HORMAD1: variants seen among roughly 807,000 people sequenced by gnomAD.
HORMAD1 encodes the protein HORMA domain-containing protein 1.
In HORMAD1, 33 loss-of-function variants were observed where a neutral mutation model predicts 58.2. The ratio of observed to expected loss-of-function variants is 0.57; its 90% confidence interval spans 0.43 to 0.76. The LOEUF (loss-of-function observed/expected upper bound fraction) is 0.76, where lower values mean the gene tolerates loss of function less well. Ranked by LOEUF, HORMAD1 falls within the 30% of genes least tolerant of loss-of-function variation. The pLI is 0.00. For synonymous variants in HORMAD1, 137 were observed against 144.6 expected, an observed-to-expected ratio of 0.95 and a Z score of 0.38; for missense variants, 363 against 462.0, an observed-to-expected ratio of 0.79 and a Z score of 1.96.
chr1:150,710,299 A>C (rs1651834586), intron 7 of HORMAD1, among the ~76,000 whole-genome samples: 4 of 152,162 alleles, frequency 2.6e-5, no homozygotes, highest in Admixed American at 2.6e-4. Context: ...ACAGGGCATA[A>C]ATCTTTGCTA....
At chr1:150,706,374 G>C (rs972252122) in intron 10 of HORMAD1, among the ~76,000 whole-genome samples, 179 bp downstream of exon 10, 1 of 152,146 alleles carries the variant, frequency 6.6e-6, no homozygotes, top group Admixed American at 6.6e-5. Flanking sequence ...GTACAATGTT[G>C]TTTGGGCTAA....
rs1002436490 is a variant in HORMAD1, at chr1:150,708,981, A to T, written c.328-20T>A. 1 of 1,213,464 alleles carries T rather than the reference A, an allele frequency of 8.2e-7. No individual in the cohort carries two copies. Among genetic ancestry groups the T allele is most frequent in the South Asian group, 1.2e-5 (1 of 82,438 alleles). 75.2% of individuals were successfully genotyped at this position (1,213,464 alleles called of 1,614,324 possible). A position where few individuals can be genotyped will look rare whatever the true frequency, so the allele number is the denominator to read the frequency against. On this transcript the variant is annotated intron_variant, in intron 7 of 14. Transcript: ENST00000361824. ...AATTGTCTTAAATAGAAAATATCGCAGTTATGCTTCTGATATTCAGTACTA... is the reference window on the plus strand; with the variant it reads ...AATTGTCTTAAATAGAAAATATCGCTGTTATGCTTCTGATATTCAGTACTA...
At chr1:150,719,412 G>T in intron 2 of HORMAD1, 61 bp downstream of exon 2, 1 of 1,033,536 alleles carries the variant, frequency 9.7e-7, no homozygotes, top group South Asian at 1.4e-5. Context: ...GAGTATTTGA[G>T]ACTTCAAGAA....
At chr1:150,718,092 T>C (rs1652142091) in intron 2 of HORMAD1, among the ~76,000 whole-genome samples, 2 of 152,206 alleles carry the variant, frequency 1.3e-5, no homozygotes, top group African/African-American at 4.8e-5. Context: ...AAAGTGTTTT[T>C]CAGTTTAATG....
intron 2 of HORMAD1, among the ~76,000 whole-genome samples, chr1:150,717,508 ATTT>A (rs140527786): frequency 2.7e-5 from 4 of 149,542 alleles, no homozygotes; most frequent in Non-Finnish European, 4.5e-5. Context: ...AAATCTTTTA[ATTT>A]TTTTTTTTTA....
intron 13 of HORMAD1, among the ~76,000 whole-genome samples, chr1:150,701,297 C>T (rs1232497168): frequency 3.9e-5 from 6 of 152,274 alleles, no homozygotes; most frequent in East Asian, 3.9e-4. Context: ...GAACATTTTG[C>T]TTCTAGAAGT....
At chr1:150,718,133 C>T (rs760512862) in intron 2 of HORMAD1, among the ~76,000 whole-genome samples, 64 of 152,044 alleles carry the variant, frequency 4.2e-4, no homozygotes, top group Middle Eastern at 3.4e-3. Context: ...GGTGTGTGTG[C>T]AACAATCACC....
chr1:150,708,750 A>G, intron 8 of HORMAD1, 144 bp downstream of exon 8: 1 of 555,136 alleles, frequency 1.8e-6, no homozygotes, highest in Non-Finnish European at 3.2e-6. Context: ...ACTGCAAGCC[A>G]CCACTCCATT....
In HORMAD1 at chr1:150,703,367, A is replaced by G. The variant is rs1311791826; in HGVS notation, c.975T>C (p.Ser325=). ...SQVEQLVNKT[S]ELDMSESKTR... is the part of the protein sequence containing the mutation. ...TTTTGCTTTCAGACATATCAAGTTC[A>G]GATGTTTTATTGACTAACTGCTCAA... Residue 325 remains serine (S), a synonymous_variant, in exon 13 of 15, where the codon TCT becomes TCC. Coordinates refer to ENST00000361824, the MANE Select transcript of HORMAD1 (RefSeq NM_032132.5). The G allele has an allele frequency of 1.3e-6, 2 of 1,578,696 alleles. No individual in the cohort carries two copies. The highest frequency in any genetic ancestry group is 1.7e-5 in the Admixed American group (1 of 57,612).
At chr1:150,714,236 G>C (rs1361594581) in intron 4 of HORMAD1, 115 bp from the exon 5 acceptor site, 8 of 612,366 alleles carry the variant, frequency 1.3e-5, no homozygotes, top group Non-Finnish European at 2.3e-5. Context: ...TCTTATTAAA[G>C]CTCCCTTCTT....
At position 150,703,322 on chromosome 1, in the gene HORMAD1, A is replaced by G. The variant is rs1183391659; in HGVS notation, c.1020T>C (p.Phe340=). 1 of 1,548,248 alleles carries G rather than the reference A, an allele frequency of 6.5e-7. No individual in the cohort carries two copies. The highest frequency in any genetic ancestry group is 8.9e-7 in the Non-Finnish European group (1 of 1,128,580). Residue 340 remains phenylalanine (F), a synonymous_variant, in exon 13 of 15, where the codon TTT becomes TTC. Transcript: ENST00000361824. ...AAGAGATATTTACCATTTTATTCTG[A>G]AAGACTTTTCCACTTCTTGTTTTGC... is the stretch of plus-strand genomic sequence containing the variant. ...SESKTRSGKV[F]QNKMANGNQP...
At chr1:150,699,740 G>T (rs1239910086) in intron 14 of HORMAD1, among the ~76,000 whole-genome samples, 2 of 150,966 alleles carry the variant, frequency 1.3e-5, no homozygotes, top group African/African-American at 4.9e-5. Context: ...CACCATGTTG[G>T]CCAGGAGGGT....
intron 5 of HORMAD1, among the ~76,000 whole-genome samples, chr1:150,712,583 CTG>C (rs1301228689): frequency 6.6e-6 from 1 of 152,186 alleles, no homozygotes; most frequent in Non-Finnish European, 1.5e-5. Flanking sequence ...GAGTATCACT[CTG>C]TCACTCAGGC....
intron 1 of HORMAD1, among the ~76,000 whole-genome samples, chr1:150,720,481 G>A (rs894200005): frequency 3.9e-5 from 6 of 152,240 alleles, no homozygotes; most frequent in Admixed American, 1.3e-4. Flanking sequence ...TTGTGTGTCC[G>A]GAACCACTGT....
Position 150,700,095 on chromosome 1 carries a change from A to C in HORMAD1, c.1104+17T>G, listed in dbSNP as rs1294977136. Reference sequence around the variant, plus strand: ...CCTTCCCATTGTATTCAAACTATACATTATCATAAGACTTACTATTCTCCC... The same window carrying C: ...CCTTCCCATTGTATTCAAACTATACCTTATCATAAGACTTACTATTCTCCC... On this transcript the variant is annotated intron_variant, in intron 14 of 14. Transcript: ENST00000361824. 2 of 1,236,626 alleles carry C rather than the reference A, an allele frequency of 1.6e-6. No homozygotes were observed. Among genetic ancestry groups the C allele is most frequent in the Admixed American group, 1.7e-5 (1 of 59,210 alleles). The allele number at this position is 1,236,626 out of a possible 1,614,324, so 76.6% of individuals were successfully genotyped here. A position where few individuals can be genotyped will look rare whatever the true frequency, so the allele number is the denominator to read the frequency against.
At chr1:150,717,080 GC>G in intron 3 of HORMAD1, 57 bp downstream of exon 3, 1 of 1,137,678 alleles carries the variant, frequency 8.8e-7, no homozygotes, top group Non-Finnish European at 1.2e-6. Flanking sequence ...TAGTTTTGGA[GC>G]AAGCAAAAAT....
intron 2 of HORMAD1, 85 bp downstream of exon 2, chr1:150,719,388 C>G: frequency 1.3e-6 from 1 of 799,360 alleles, no homozygotes; most frequent in Non-Finnish European, 2.1e-6. Context: ...ATAGTTGAGC[C>G]CTAACTTCCA....
intron 13 of HORMAD1, among the ~76,000 whole-genome samples, chr1:150,703,091 T>C: frequency 6.6e-6 from 1 of 152,198 alleles, no homozygotes; most frequent in South Asian, 2.1e-4. Flanking sequence ...ACTTCTATAA[T>C]GGCTCTGTAT....
At chr1:150,708,167 G>T in intron 9 of HORMAD1, 89 bp downstream of exon 9, 4 of 983,388 alleles carry the variant, frequency 4.1e-6, no homozygotes, top group South Asian at 4.6e-5. Context: ...AAAAATTTAG[G>T]TGCTAAAAAT....
Sources: gnomAD v4.1 joint callset for allele counts (sites outside exome capture counted in the v4.1 genomes callset) on GRCh38, gnomAD v4.1.1 for gene constraint, MANE v1.5 for transcripts, NCBI Gene and HGNC (gene_info 2026-07-23, HGNC 2026-07-21) for gene names.